ABCC5: variants seen among roughly 807,000 people sequenced by gnomAD.
ABCC5 encodes ATP-binding cassette sub-family C member 5.
In ABCC5, 61 loss-of-function variants were observed where a neutral mutation model predicts 160.9. That is an observed-to-expected ratio of 0.38 (90% confidence interval 0.31 to 0.47). ABCC5 has a LOEUF of 0.47. Among genes scored for constraint, ABCC5 ranks in the 20% least tolerant of loss-of-function variants. The pLI, the probability that ABCC5 is intolerant of heterozygous loss-of-function variation, is 0.99. For missense variants in ABCC5, 1,308 were observed against 1,813.3 expected, an observed-to-expected ratio of 0.72 and a Z score of 5.06; for synonymous variants, 666 against 700.6, an observed-to-expected ratio of 0.95 and a Z score of 0.78.
At chr3:183,991,708 G>A (rs1719782572) in intron 2 of ABCC5, among the ~76,000 whole-genome samples, 2 of 152,130 alleles carry the variant, frequency 1.3e-5, no homozygotes, top group Non-Finnish European at 2.9e-5. Flanking sequence ...GAACGAACTC[G>A]CTCTTAAATG....
intron 10 of ABCC5, among the ~76,000 whole-genome samples, chr3:183,975,405 G>A (rs1296395699): frequency 6.6e-6 from 1 of 151,840 alleles, no homozygotes; most frequent in Non-Finnish European, 1.5e-5. Flanking sequence ...GCAGTGGCGC[G>A]ATCTCGACTC....
At chr3:184,003,707 G>T (rs894547813) in intron 2 of ABCC5, among the ~76,000 whole-genome samples, 4 of 152,102 alleles carry the variant, frequency 2.6e-5, no homozygotes, top group African/African-American at 9.7e-5. Context: ...AGTAAAACAG[G>T]TATTTGTCTG....
In ABCC5 at chr3:183,951,362, T is replaced by C; in HGVS notation, c.2944+79A>G. 1 of 1,557,446 alleles carries C rather than the reference T, an allele frequency of 6.4e-7. No homozygotes were observed. The highest frequency in any genetic ancestry group is 1.2e-5 in the South Asian group (1 of 81,498). ...CTCAGGATCTACAGACAGACAGATCTGCACATTTGGAGAATCATCTAGAAG... is the reference window on the plus strand; with the variant it reads ...CTCAGGATCTACAGACAGACAGATCCGCACATTTGGAGAATCATCTAGAAG... On this transcript the variant is annotated intron_variant, in intron 20 of 29. Coordinates refer to ENST00000334444, the MANE Select transcript of ABCC5 (RefSeq NM_005688.4). The surrounding 1 kb of genome is among the most constrained non-coding windows in gnomAD (Gnocchi z 4.7).
intron 2 of ABCC5, among the ~76,000 whole-genome samples, chr3:184,007,089 C>T (rs1306073046): frequency 3.0e-5 from 4 of 133,150 alleles, no homozygotes; most frequent in Non-Finnish European, 4.6e-5. Context: ...GGTGCGATCT[C>T]GGCTCACTGC....
Position 183,959,924 on chromosome 3 carries a change from ACTG to A in ABCC5, c.2380-92_2380-90del, listed in dbSNP as rs1230364806. 5 of 849,126 alleles carry A rather than the reference ACTG, an allele frequency of 5.9e-6. No homozygotes were observed. The African/African-American group carries it at 6.9e-5, about 12-fold the overall frequency. 52.6% of individuals were successfully genotyped at this position (849,126 alleles called of 1,614,324 possible). On this transcript the variant is annotated intron_variant, in intron 16 of 29. Coordinates refer to ENST00000334444, the MANE Select transcript of ABCC5 (RefSeq NM_005688.4). ...TACATATTAGGGAATCATCAATTAAACTGCTATTACTGAAAAAAGATACATCCA... is the reference window on the plus strand; with the variant it reads ...TACATATTAGGGAATCATCAATTAAACTATTACTGAAAAAAGATACATCCA...
At chr3:183,930,999 C>A (rs1005990051) in intron 26 of ABCC5, among the ~76,000 whole-genome samples, 1 of 152,094 alleles carries the variant, frequency 6.6e-6, no homozygotes. Flanking sequence ...TAGTACTGAA[C>A]CGTATAAATG....
intron 10 of ABCC5, 70 bp from the exon 11 acceptor site, chr3:183,971,989 G>T (rs182743244): frequency 9.4e-6 from 15 of 1,602,950 alleles, no homozygotes; most frequent in Non-Finnish European, 1.3e-5. Context: ...AGCCTAGGGC[G>T]TACACTCACG....
In ABCC5 at chr3:183,928,825, T is replaced by C. The variant is rs779523630; in HGVS notation, c.3855A>G (p.Arg1285=). The part of the protein sequence containing the change: ...QEPVLFSGTV[R]SNLDPFNQYT... The stretch of plus-strand genomic sequence containing the variant: ...ACTGGTTGAAGGGGTCCAAATTTGA[T>C]CTAGGGAGAAACACAGGAATTTCTC... The change falls in exon 27 of 30, where the codon AGA becomes AGG. Residue 1285 remains arginine (R), a splice_region_variant and synonymous_variant. Transcript: ENST00000334444. The C allele has an allele frequency of 1.2e-6, 2 of 1,613,808 alleles. No individual in the cohort carries two copies. The highest frequency in any genetic ancestry group is 8.5e-7 in the Non-Finnish European group (1 of 1,179,860).
rs564345018 is a variant in ABCC5 at position 184,017,185 on chromosome 3, G to T, written c.-56+645C>A. Among the ~76,000 whole-genome samples, 86 of 152,280 alleles carry T rather than the reference G, an allele frequency of 5.6e-4. No homozygotes were observed. The highest frequency in any genetic ancestry group is 2.0e-3 in the African/African-American group (84 of 41,562). On this transcript the variant is annotated intron_variant, in intron 1 of 29. Transcript: ENST00000334444. The surrounding 1 kb of genome is among the most constrained non-coding windows in gnomAD (Gnocchi z 4.5). Reference sequence around the variant, plus strand: ...TGCAGAAACCAAATGGCCCCTGTGTGATAAACACAAAGCCACCCGCGGCTC... The same window carrying T: ...TGCAGAAACCAAATGGCCCCTGTGTTATAAACACAAAGCCACCCGCGGCTC...
chr3:183,949,929 G>A lies in ABCC5; in HGVS notation c.3098+43C>T. ...GTCACAGCACCTACCCAGCAACTGA[G>A]GCTTCTCCGTGGCCCCAGCAGACAT... On this transcript the variant is annotated intron_variant, in intron 21 of 29. Coordinates refer to ENST00000334444, the MANE Select transcript of ABCC5 (RefSeq NM_005688.4). This position sits in a 1 kb window ranked among gnomAD's most constrained non-coding sequence, Gnocchi z 4.2. The A allele has an allele frequency of 1.9e-6, 3 of 1,614,034 alleles. No homozygotes were observed. Among genetic ancestry groups the A allele is most frequent in the Non-Finnish European group, 2.5e-6 (3 of 1,179,940 alleles).
chr3:184,009,892 T>C, intron 2 of ABCC5: 1 of 386,308 alleles, frequency 2.6e-6, no homozygotes, highest in South Asian at 1.9e-5. Flanking sequence ...CACATGCCTG[T>C]AATCCCAGCA....
chr3:183,957,288 A>G (rs377565962), intron 17 of ABCC5, among the ~76,000 whole-genome samples: 57 of 54,194 alleles, frequency 1.1e-3, no homozygotes, highest in East Asian at 1.7e-3. Context: ...ATATGACATC[A>G]GTTACATGCG....
chr3:183,971,682 G>A lies in ABCC5; in HGVS notation c.1642C>T (p.His548Tyr). ...CGCTCGTCACTGTCCAGGAGGAGGT[G>A]GCCTTTCTGCTCTGCCAGCACCGCC... ...HQAVLAEQKG[H>Y]LLLDSDERPS... Residue 548 changes from histidine to tyrosine, a missense_variant, in exon 11 of 30, where the codon CAC becomes TAC. Physicochemically the swap from His to Tyr is moderately conservative, Grantham distance 83. Around this residue, in one of 3 missense-constraint regions of ABCC5, gnomAD observed 1,142 missense variants for 1,527.1 expected, o/e 0.75. Transcript: ENST00000334444. The A allele has an allele frequency of 1.9e-6, 3 of 1,614,180 alleles. No homozygotes were observed. Among genetic ancestry groups the A allele is most frequent in the Non-Finnish European group, 2.5e-6 (3 of 1,180,032 alleles).
chr3:183,958,877 G>C (rs549931665), intron 17 of ABCC5, among the ~76,000 whole-genome samples: 4 of 152,200 alleles, frequency 2.6e-5, no homozygotes, highest in Non-Finnish European at 4.4e-5. Flanking sequence ...TGGGACTACA[G>C]GTATAAGCCA....
intron 8 of ABCC5, among the ~76,000 whole-genome samples, chr3:183,979,326 C>G (rs1352807850): frequency 1.5e-5 from 2 of 137,266 alleles, no homozygotes; most frequent in Non-Finnish European, 3.1e-5. Context: ...GACTGGGTGA[C>G]AAAGCCAGGC....
At chr3:183,923,845 C>G (rs1426783606) in intron 29 of ABCC5, among the ~76,000 whole-genome samples, 1 of 152,140 alleles carries the variant, frequency 6.6e-6, no homozygotes, top group African/African-American at 2.4e-5. Flanking sequence ...CCCCCAAGTT[C>G]TCTCAATTCA....
At chr3:184,014,029 C>A (rs182293797) in intron 2 of ABCC5, among the ~76,000 whole-genome samples, 1 of 152,094 alleles carries the variant, frequency 6.6e-6, no homozygotes, top group Non-Finnish European at 1.5e-5. Flanking sequence ...CCCGCCACCA[C>A]GCCTGGCTAA....
At chr3:183,975,826 C>G (rs1718167859) in intron 10 of ABCC5, among the ~76,000 whole-genome samples, 1 of 151,902 alleles carries the variant, frequency 6.6e-6, no homozygotes, top group Admixed American at 6.6e-5. Context: ...GAGGAGGGAC[C>G]TATGATGTGA....
chr3:183,976,213 TTTTC>T (rs1429893278), intron 10 of ABCC5, among the ~76,000 whole-genome samples: 2 of 151,918 alleles, frequency 1.3e-5, no homozygotes, highest in African/African-American at 4.8e-5. Flanking sequence ...CTCCCTTCCT[TTTTC>T]TTTCTTCTCT....
Sources: gnomAD v4.1 joint callset for allele counts (sites outside exome capture counted in the v4.1 genomes callset) on GRCh38, gnomAD v4.1.1 for gene constraint, gnomAD v4.1.1 regional missense constraint, Gnocchi (gnomAD v3.1) non-coding constraint, MANE v1.5 for transcripts, NCBI Gene and HGNC (gene_info 2026-07-23, HGNC 2026-07-21) for gene names.